The following ADCY5 variants were observed in gnomAD, a reference collection of about 807,000 sequenced individuals.
ADCY5 encodes the protein adenylate cyclase type 5.
A neutral mutation model predicts 119.7 loss-of-function variants in ADCY5; 30 were observed. The ratio of observed to expected loss-of-function variants is 0.25; its 90% CI spans 0.19 to 0.34. The LOEUF (loss-of-function observed/expected upper bound fraction) is 0.34, where lower values mean the gene tolerates loss of function less well. Ranked by LOEUF, ADCY5 falls within the 10% of genes least tolerant of loss-of-function variation. The pLI is 1.00. For missense variants in ADCY5, 1,324 were observed against 1,775.2 expected, an observed-to-expected ratio of 0.75 and a Z score of 4.57; for synonymous variants, 753 against 762.2, an observed-to-expected ratio of 0.99 and a Z score of 0.20.
intron 1 of ADCY5, among the ~76,000 whole-genome samples, chr3:123,397,879 C>T (rs1188632724): frequency 6.6e-6 from 1 of 152,104 alleles, no homozygotes; most frequent in Non-Finnish European, 1.5e-5. Flanking sequence ...AGGGTGAAAA[C>T]AGACAGTGAA....
intron 3 of ADCY5, among the ~76,000 whole-genome samples, chr3:123,338,504 C>T (rs1045028993): frequency 3.9e-5 from 6 of 152,208 alleles, no homozygotes; most frequent in Non-Finnish European, 2.9e-5. Context: ...TGATCTGCCC[C>T]GGAGTAACTC....
chr3:123,374,037 GA>G (rs1943738111), intron 1 of ADCY5, among the ~76,000 whole-genome samples: 1 of 152,162 alleles, frequency 6.6e-6, no homozygotes, highest in Non-Finnish European at 1.5e-5. Context: ...GGTTAAGGTA[GA>G]AAACACAGGA....
At chr3:123,311,160 G>A (rs575597367) in intron 12 of ADCY5, among the ~76,000 whole-genome samples, 5 of 152,350 alleles carry the variant, frequency 3.3e-5, no homozygotes, top group African/African-American at 7.2e-5. Context: ...AGGAACTGTC[G>A]CATCTCATTG....
At chr3:123,329,527 T>C (rs1941661184) in intron 5 of ADCY5, among the ~76,000 whole-genome samples, 1 of 152,114 alleles carries the variant, frequency 6.6e-6, no homozygotes, top group Non-Finnish European at 1.5e-5. Context: ...CATCTCCAGG[T>C]GCATGTCTGA....
At chr3:123,322,856 AC>A (rs1272680156) in intron 8 of ADCY5, among the ~76,000 whole-genome samples, 5 of 152,164 alleles carry the variant, frequency 3.3e-5, no homozygotes, top group African/African-American at 1.2e-4. Flanking sequence ...GCTGACTCCG[AC>A]TTCAAACCTT....
intron 8 of ADCY5, among the ~76,000 whole-genome samples, chr3:123,321,355 G>A (rs1266114583): frequency 6.6e-6 from 1 of 152,208 alleles, no homozygotes; most frequent in African/African-American, 2.4e-5. Flanking sequence ...TGGGGACTCA[G>A]AGGGTAAGGA....
At chr3:123,320,645 G>T in intron 9 of ADCY5, 104 bp downstream of exon 9, 1 of 1,459,434 alleles carries the variant, frequency 6.9e-7, no homozygotes, top group Non-Finnish European at 9.6e-7. Flanking sequence ...AAGACTGCAA[G>T]AGGAGTCATT....
At chr3:123,332,467 C>G (rs886081296) in intron 4 of ADCY5, 97 bp downstream of exon 4, 8 of 884,974 alleles carry the variant, frequency 9.0e-6, no homozygotes, top group African/African-American at 6.6e-5. Context: ...TACCCAGGCA[C>G]ATGCCCATCC....
chr3:123,299,711 C>T (rs749871376), intron 15 of ADCY5, among the ~76,000 whole-genome samples: 1 of 152,230 alleles, frequency 6.6e-6, no homozygotes, highest in African/African-American at 2.4e-5. Flanking sequence ...GGAAGAGGAA[C>T]AGCGGATATC....
In ADCY5 at chr3:123,352,435, C is replaced by T; in HGVS notation, c.1281G>A (p.Gln427=). The T allele has an allele frequency of 6.2e-7, 1 of 1,611,790 alleles. No homozygotes were observed. The highest frequency in any genetic ancestry group is 8.5e-7 in the Non-Finnish European group (1 of 1,179,542). Residue 427 remains glutamine, a synonymous_variant, in exon 2 of 21, where the codon CAG becomes CAA. Transcript: ENST00000462833. The surrounding 1 kb of genome is among the most constrained non-coding windows in gnomAD (Gnocchi z 4.8). ...CAAGGGCAGGGGCCTCACTCACCTG[C>T]TGCTGGTTCTCCCGCTGCGAGTGGA... is the stretch of plus-strand genomic sequence containing the variant. ...ARLHSQRENQ[Q]QERLLLSVLP...
chr3:123,369,246 G>C (rs1452117952), intron 1 of ADCY5, among the ~76,000 whole-genome samples: 1 of 152,298 alleles, frequency 6.6e-6, no homozygotes, highest in East Asian at 1.9e-4. Flanking sequence ...TGATGAACAA[G>C]AAGGCCCTCG....
At chr3:123,357,522 A>G (rs979882193) in intron 1 of ADCY5, among the ~76,000 whole-genome samples, 1 of 152,166 alleles carries the variant, frequency 6.6e-6, no homozygotes, top group African/African-American at 2.4e-5. Context: ...TGGTAACCCA[A>G]TAGCCGTCCA....
intron 1 of ADCY5, among the ~76,000 whole-genome samples, chr3:123,438,894 G>A (rs1033469112): frequency 3.3e-5 from 5 of 151,586 alleles, no homozygotes; most frequent in East Asian, 3.9e-4. Flanking sequence ...CTATAGGTGC[G>A]TTCCACCACA....
At chr3:123,441,400 G>A (rs1441450920) in intron 1 of ADCY5, among the ~76,000 whole-genome samples, 1 of 152,108 alleles carries the variant, frequency 6.6e-6, no homozygotes, top group Non-Finnish European at 1.5e-5. Flanking sequence ...CAAGGAGGTG[G>A]CCATCCAGTC....
chr3:123,344,729 C>CAAGCCAA lies in ADCY5; in HGVS notation c.1406+3046_1406+3052dup, dbSNP rs540034918. On this transcript the variant is annotated intron_variant, in intron 3 of 20. Transcript: ENST00000462833. ...CCCATCTCCTACTTAACCACCAACC[C>CAAGCCAA]AAGCCAAAAGTTCAACCCCAAAACA... Among the ~76,000 whole-genome samples, 8 of 152,294 alleles carry CAAGCCAA rather than the reference C, an allele frequency of 5.3e-5. No individual in the cohort carries two copies. The South Asian group carries it at 1.7e-3, about 32-fold the overall frequency.
intron 20 of ADCY5, among the ~76,000 whole-genome samples, chr3:123,285,695 G>A (rs781568583): frequency 2.0e-5 from 3 of 152,212 alleles, no homozygotes; most frequent in Non-Finnish European, 4.4e-5. Context: ...TGCTCAGAGA[G>A]TCCCTTGCGC....
rs185461164 is a variant in ADCY5, at chr3:123,352,715, G to A, written c.1135-134C>T. On this transcript the variant is annotated intron_variant, in intron 1 of 20. Transcript: ENST00000462833. The surrounding 1 kb of genome is among the most constrained non-coding windows in gnomAD (Gnocchi z 4.8). ...CAAATGCTGAGGGCACCCCACACGC[G>A]GCCAACCACTGTGAGCAGCCGAGCA... 1,646 of 1,043,514 alleles carry A rather than the reference G, an allele frequency of 1.6e-3. 2 individuals carry two copies. Among genetic ancestry groups the A allele is most frequent in the Non-Finnish European group, 1.5e-3 (1,099 of 741,268 alleles). The allele number at this position is 1,043,514 out of a possible 1,614,324, so 64.6% of individuals were successfully genotyped here.
chr3:123,317,869 C>T (rs1234293066), intron 11 of ADCY5, 151 bp downstream of exon 11: 9 of 693,764 alleles, frequency 1.3e-5, no homozygotes, highest in Non-Finnish European at 1.9e-5. Context: ...TGGCTTCCTA[C>T]CCCACCAAGG....
chr3:123,322,587 C>T (rs1252993511), intron 8 of ADCY5, among the ~76,000 whole-genome samples: 1 of 152,176 alleles, frequency 6.6e-6, no homozygotes, highest in African/African-American at 2.4e-5. Context: ...CACCTACTTA[C>T]TCTAACAGTT....
Sources: gnomAD v4.1 joint callset for allele counts (sites outside exome capture counted in the v4.1 genomes callset) on GRCh38, gnomAD v4.1.1 for gene constraint, Gnocchi (gnomAD v3.1) non-coding constraint, MANE v1.5 for transcripts, NCBI Gene and HGNC (gene_info 2026-07-23, HGNC 2026-07-21) for gene names.